DDC: variants seen among roughly 807,000 people sequenced by gnomAD.
DDC encodes aromatic-L-amino-acid decarboxylase.
A neutral mutation model predicts 60.0 loss-of-function variants in DDC; 43 were observed. The ratio of observed to expected loss-of-function variants is 0.72; its 90% CI spans 0.56 to 0.92. The LOEUF (loss-of-function observed/expected upper bound fraction) is 0.92. DDC is among the 40% of genes least tolerant of loss of function. The pLI is 0.00. For missense variants in DDC, 573 were observed against 620.2 expected, an observed-to-expected ratio of 0.92 and a Z score of 0.81; for synonymous variants, 232 against 234.6, an observed-to-expected ratio of 0.99 and a Z score of 0.10.
intron 4 of DDC, among the ~76,000 whole-genome samples, chr7:50,532,102 C>T (rs114938261): frequency 0.013 from 1,916 of 152,350 alleles, 50 homozygotes; most frequent in African/African-American, 0.044. Flanking sequence ...CTGACGCCCA[C>T]AGCTGTGATT....
intron 4 of DDC, among the ~76,000 whole-genome samples, chr7:50,531,058 G>A (rs1034520940): frequency 1.3e-5 from 2 of 152,168 alleles, no homozygotes; most frequent in Admixed American, 6.5e-5. Flanking sequence ...CAAATATACA[G>A]ATATATGCGT....
chr7:50,523,548 G>C (rs970372324), intron 6 of DDC, among the ~76,000 whole-genome samples: 1 of 152,048 alleles, frequency 6.6e-6, no homozygotes, highest in African/African-American at 2.4e-5. Context: ...TGTTCATGTA[G>C]CAAATAAGCA....
intron 13 of DDC, 75 bp downstream of exon 13, chr7:50,467,139 C>T: frequency 7.7e-7 from 1 of 1,296,762 alleles, no homozygotes; most frequent in African/African-American, 1.5e-5. Flanking sequence ...AGTGTTTGAG[C>T]ATGGAGGTAA....
At chr7:50,539,825 G>T in intron 3 of DDC, 90 bp downstream of exon 3, 1 of 944,812 alleles carries the variant, frequency 1.1e-6, no homozygotes, top group African/African-American at 1.6e-5. Context: ...ACCGCCATCT[G>T]CTCAGGTCCC....
chr7:50,507,583 TTCTC>T (rs2043436902), intron 6 of DDC, among the ~76,000 whole-genome samples: 2 of 152,214 alleles, frequency 1.3e-5, no homozygotes, highest in African/African-American at 4.8e-5. Flanking sequence ...TAAAATTATT[TTCTC>T]TCTATTAATG....
At chr7:50,460,314 TGAG>T (rs1187438948) in intron 14 of DDC, among the ~76,000 whole-genome samples, 1 of 139,198 alleles carries the variant, frequency 7.2e-6, no homozygotes, top group Non-Finnish European at 1.5e-5. Context: ...TACTGGGAAG[TGAG>T]GAGCCCCTCT....
At chr7:50,505,414 A>T (rs1277002678) in intron 6 of DDC, among the ~76,000 whole-genome samples, 1 of 152,222 alleles carries the variant, frequency 6.6e-6, no homozygotes, top group Non-Finnish European at 1.5e-5. Context: ...GAATAGAATT[A>T]AATTTGTGTG....
chr7:50,503,980 A>G lies in DDC; in HGVS notation c.781+13T>C. ...GAACATTTTCCAAAAAGAAAATGGA[A>G]TCGGATACTTACAGATAGGACCGAC... On this transcript the variant is annotated intron_variant, in intron 7 of 14. Coordinates refer to ENST00000444124, the MANE Select transcript of DDC (RefSeq NM_001082971.2). The G allele has an allele frequency of 1.2e-6, 2 of 1,602,748 alleles. No homozygotes were observed. The highest frequency in any genetic ancestry group is 1.7e-6 in the Non-Finnish European group (2 of 1,169,586).
chr7:50,465,428 T>C (rs1250366251), intron 13 of DDC, among the ~76,000 whole-genome samples: 2 of 150,924 alleles, frequency 1.3e-5, no homozygotes, highest in African/African-American at 4.9e-5. Context: ...TGGAGCGCAG[T>C]AGCACAATCT....
chr7:50,475,417 G>A (rs565365391), intron 11 of DDC, among the ~76,000 whole-genome samples: 1 of 152,296 alleles, frequency 6.6e-6, no homozygotes, highest in East Asian at 1.9e-4. Flanking sequence ...CCTGGGTGTA[G>A]AGCTGGGTGG....
intron 6 of DDC, among the ~76,000 whole-genome samples, chr7:50,525,863 G>C (rs181057468): frequency 6.6e-6 from 1 of 151,900 alleles, no homozygotes; most frequent in Non-Finnish European, 1.5e-5. Context: ...AGATTAATTG[G>C]TAAATTGTAA....
intron 4 of DDC, among the ~76,000 whole-genome samples, chr7:50,533,670 C>T (rs969960613): frequency 2.6e-5 from 4 of 152,076 alleles, no homozygotes; most frequent in Admixed American, 2.0e-4. Context: ...AGGGAAATAT[C>T]GAAAGGAAGA....
chr7:50,464,762 C>T (rs185895317), intron 13 of DDC, among the ~76,000 whole-genome samples: 15 of 152,190 alleles, frequency 9.9e-5, no homozygotes, highest in African/African-American at 2.4e-4. Context: ...GGAGAGGGAC[C>T]GTGATGCCAT....
chr7:50,547,025 CTGTT>C (rs1176715575), intron 1 of DDC, among the ~76,000 whole-genome samples: 1 of 152,106 alleles, frequency 6.6e-6, no homozygotes, highest in African/African-American at 2.4e-5. Flanking sequence ...TTTGAAGTGA[CTGTT>C]TTTTTTTAAT....
chr7:50,509,972 C>T (rs543697660), intron 6 of DDC, among the ~76,000 whole-genome samples: 4 of 146,416 alleles, frequency 2.7e-5, no homozygotes, highest in South Asian at 2.2e-4. Context: ...AAGATACTTA[C>T]GTATCTTTTT....
At chr7:50,469,212 G>A (rs1247551933) in intron 12 of DDC, among the ~76,000 whole-genome samples, 4 of 147,432 alleles carry the variant, frequency 2.7e-5, no homozygotes, top group South Asian at 2.1e-4. Flanking sequence ...CCAAAGTGCC[G>A]GGATTACATG....
intron 4 of DDC, among the ~76,000 whole-genome samples, chr7:50,537,034 G>GTGGT (rs2044435583): frequency 1.4e-5 from 1 of 69,368 alleles, no homozygotes; most frequent in Non-Finnish European, 2.8e-5. Flanking sequence ...ATGCTAGGAA[G>GTGGT]TTGTTTTTTT....
intron 11 of DDC, among the ~76,000 whole-genome samples, chr7:50,475,032 T>C (rs1295266852): frequency 6.6e-6 from 1 of 152,122 alleles, no homozygotes; most frequent in East Asian, 1.9e-4. Flanking sequence ...CCATATAACA[T>C]GGGATTCTGT....
intron 6 of DDC, among the ~76,000 whole-genome samples, chr7:50,506,896 T>C (rs2043413527): frequency 6.6e-6 from 1 of 152,234 alleles, no homozygotes; most frequent in South Asian, 2.1e-4. Flanking sequence ...CATCAATAAT[T>C]CTCCGCATTT....
Sources: allele counts gnomAD v4.1 joint callset (sites outside exome capture counted in the v4.1 genomes callset), GRCh38; gene constraint gnomAD v4.1.1; transcripts MANE v1.5; gene names NCBI Gene and HGNC (gene_info 2026-07-23, HGNC 2026-07-21).